CACNA1D: variants seen among roughly 807,000 people sequenced by gnomAD.
CACNA1D encodes the protein voltage-dependent L-type calcium channel subunit alpha-1D.
CACNA1D carries 55 observed loss-of-function variants against 257.1 expected under a neutral mutation model. The observed-to-expected ratio is 0.21, with a 90% CI of 0.17 to 0.27. The LOEUF is 0.27. Among genes scored for constraint, CACNA1D ranks in the 10% least tolerant of loss-of-function variants. CACNA1D has a pLI of 1.00. For synonymous variants in CACNA1D, 980 were observed against 1,014.9 expected, an observed-to-expected ratio of 0.97 and a Z score of 0.65; for missense variants, 1,876 against 2,784.0, an observed-to-expected ratio of 0.67 and a Z score of 7.34.
intron 7 of CACNA1D, among the ~76,000 whole-genome samples, chr3:53,667,119 A>G (rs768423598): frequency 9.2e-5 from 14 of 152,090 alleles, no homozygotes; most frequent in African/African-American, 1.4e-4. Flanking sequence ...CTTCCTTTCT[A>G]TTTGAAGCTA....
chr3:53,742,692 T>C (rs1351864773), intron 21 of CACNA1D, among the ~76,000 whole-genome samples: 3 of 152,230 alleles, frequency 2.0e-5, no homozygotes, highest in Non-Finnish European at 4.4e-5. Flanking sequence ...ACTTACCTTT[T>C]GACGAATGTA....
chr3:53,805,711 CCCT>C (rs1031103270), intron 45 of CACNA1D, among the ~76,000 whole-genome samples: 1 of 151,140 alleles, frequency 6.6e-6, no homozygotes. Context: ...CCCTCATCTT[CCCT>C]CCTCCTCCTC....
intron 29 of CACNA1D, among the ~76,000 whole-genome samples, chr3:53,754,986 G>A (rs1576568600): frequency 6.6e-6 from 1 of 152,162 alleles, no homozygotes; most frequent in Admixed American, 6.5e-5. Context: ...GTCAAATTTG[G>A]CACCTAATGC....
At chr3:53,755,604 A>G (rs1259798671) in intron 29 of CACNA1D, among the ~76,000 whole-genome samples, 1 of 152,188 alleles carries the variant, frequency 6.6e-6, no homozygotes, top group Non-Finnish European at 1.5e-5. Flanking sequence ...TCACTCAGCA[A>G]GATATCTTCA....
chr3:53,685,160 C>G (rs2094463818), intron 8 of CACNA1D, among the ~76,000 whole-genome samples: 2 of 152,210 alleles, frequency 1.3e-5, no homozygotes, highest in East Asian at 3.9e-4. Flanking sequence ...AATGGATGAA[C>G]TGTACTAATC....
chr3:53,599,259 T>G (rs1446125249), intron 3 of CACNA1D, among the ~76,000 whole-genome samples: 1 of 152,188 alleles, frequency 6.6e-6, no homozygotes, highest in Non-Finnish European at 1.5e-5. Context: ...TGGAATCATA[T>G]CCTATCATTG....
intron 47 of CACNA1D, among the ~76,000 whole-genome samples, chr3:53,810,758 C>CAAAAAAAAAAAAA (rs71074934): frequency 7.9e-4 from 54 of 68,288 alleles, no homozygotes; most frequent in African/African-American, 2.9e-3. Flanking sequence ...ACTCTTGTCT[C>CAAAAAAAAAAAAA]AAAAAAAAAA....
At chr3:53,717,006 C>T (rs115321260) in intron 9 of CACNA1D, among the ~76,000 whole-genome samples, 5,258 of 152,338 alleles carry the variant, frequency 0.035, 155 homozygotes, top group Middle Eastern at 0.065. Context: ...TGGGCTGGGC[C>T]TCAGAATCTT....
intron 3 of CACNA1D, among the ~76,000 whole-genome samples, chr3:53,629,376 A>C (rs2093797100): frequency 6.6e-6 from 1 of 150,994 alleles, no homozygotes; most frequent in Admixed American, 6.6e-5. Flanking sequence ...GAAAGTGATC[A>C]GTTTATGGGA....
chr3:53,646,395 G>GT (rs1272223580), intron 3 of CACNA1D, among the ~76,000 whole-genome samples: 3 of 152,016 alleles, frequency 2.0e-5, no homozygotes, highest in Admixed American at 2.0e-4. Flanking sequence ...TTTTGTTTTT[G>GT]TTTTTTAAAT....
chr3:53,597,516 A>T (rs191620697), intron 3 of CACNA1D, among the ~76,000 whole-genome samples: 1 of 152,142 alleles, frequency 6.6e-6, no homozygotes, highest in African/African-American at 2.4e-5. Flanking sequence ...GACTTTGCCT[A>T]TTTGGATTCC....
At chr3:53,798,124 A>G (rs931741251) in intron 40 of CACNA1D, 2 of 152,212 alleles carry the variant, frequency 1.3e-5, no homozygotes, top group African/African-American at 2.4e-5. Flanking sequence ...ACTGCCGGGT[A>G]TGACCTTTCT....
Position 53,766,722 on chromosome 3 carries a change from C to T in CACNA1D, c.3871-3251C>T, listed in dbSNP as rs75362422. ...GCTTTCTGGACCCTGACATGTAGTC[C>T]GGCCTCCTGAGGCTAAGGGGCTGTC... On this transcript the variant is annotated intron_variant, in intron 30 of 47. Transcript: ENST00000350061. Among the ~76,000 whole-genome samples the T allele has an allele frequency of 3.8e-4, 58 of 152,246 alleles. No individual in the cohort carries two copies. In the East Asian group the frequency reaches 9.7e-3, roughly 25 times the overall value.
intron 27 of CACNA1D, 45 bp downstream of exon 27, chr3:53,749,514 C>A (rs753510342): frequency 2.2e-6 from 3 of 1,346,960 alleles, no homozygotes; most frequent in East Asian, 4.6e-5. Flanking sequence ...TGGTCAGGAG[C>A]GGAGTGCCTT....
intron 3 of CACNA1D, among the ~76,000 whole-genome samples, chr3:53,553,891 C>T (rs2107598097): frequency 6.6e-6 from 1 of 151,020 alleles, no homozygotes; most frequent in South Asian, 2.1e-4. Flanking sequence ...TACCTAGAGA[C>T]TTGTGTTAAA....
intron 3 of CACNA1D, among the ~76,000 whole-genome samples, chr3:53,582,253 A>G (rs2093144855): frequency 6.6e-6 from 1 of 151,796 alleles, no homozygotes; most frequent in Non-Finnish European, 1.5e-5. Context: ...CAAACATTTC[A>G]TGTTTACAGT....
At chr3:53,775,394 TG>T (rs968778776) in intron 34 of CACNA1D, among the ~76,000 whole-genome samples, 1 of 152,048 alleles carries the variant, frequency 6.6e-6, no homozygotes, top group Admixed American at 6.6e-5. Flanking sequence ...CCAGGCAACA[TG>T]GCAAAACCTT....
intron 3 of CACNA1D, among the ~76,000 whole-genome samples, chr3:53,622,636 G>A (rs2093709317): frequency 6.6e-6 from 1 of 152,088 alleles, no homozygotes; most frequent in Admixed American, 6.5e-5. Context: ...GAGGGTAGGG[G>A]GCGGGAGAGG....
chr3:53,691,855 AAT>A (rs1559522921), intron 8 of CACNA1D, among the ~76,000 whole-genome samples: 2 of 104,268 alleles, frequency 1.9e-5, no homozygotes, highest in Non-Finnish European at 3.8e-5. Flanking sequence ...TATAATATAT[AAT>A]ATATATTATA....
Sources: gnomAD v4.1 joint callset for allele counts (sites outside exome capture counted in the v4.1 genomes callset) on GRCh38, gnomAD v4.1.1 for gene constraint, MANE v1.5 for transcripts, NCBI Gene and HGNC (gene_info 2026-07-23, HGNC 2026-07-21) for gene names.